FER: variants seen among roughly 807,000 people sequenced by gnomAD.
FER encodes the protein FER tyrosine kinase.
Under a neutral mutation model 111.0 loss-of-function variants are expected in FER, and 63 were observed. The ratio of observed to expected loss-of-function variants is 0.57; its 90% confidence interval spans 0.46 to 0.70. The LOEUF (loss-of-function observed/expected upper bound fraction) is 0.70. Among genes scored for constraint, FER ranks in the 30% least tolerant of loss-of-function variants. FER has a pLI of 0.00. For synonymous variants in FER, 327 were observed against 313.9 expected (o/e 1.04, Z -0.44); for missense variants, 914 against 954.0 (o/e 0.96, Z 0.55).
intron 13 of FER, among the ~76,000 whole-genome samples, chr5:109,015,504 G>A (rs1766958290): frequency 6.6e-6 from 1 of 151,824 alleles, no homozygotes; most frequent in African/African-American, 2.4e-5. Flanking sequence ...ACACTCTGGA[G>A]CTATACTGGT....
At chr5:108,944,107 GTACA>G (rs1756645458) in intron 10 of FER, among the ~76,000 whole-genome samples, 1 of 133,008 alleles carries the variant, frequency 7.5e-6, no homozygotes, top group African/African-American at 2.8e-5. Flanking sequence ...ATGTGTATGT[GTACA>G]CACACACACA....
At position 109,010,686 on chromosome 5, in the gene FER, T is replaced by G. The variant is rs551308360; in HGVS notation, c.1657-26736T>G. ...CGGTCCATGGCATTATCTGTAGTTATGCAAACTAGATTATTTTTGTACCTT... is the reference window on the plus strand; with the variant it reads ...CGGTCCATGGCATTATCTGTAGTTAGGCAAACTAGATTATTTTTGTACCTT... On this transcript the variant is annotated intron_variant, in intron 13 of 19. Coordinates refer to ENST00000281092, the MANE Select transcript of FER (RefSeq NM_005246.4). 5.6e-4 allele frequency among the ~76,000 whole-genome samples: 85 copies of G among 152,300 alleles called. 1 individual carries two copies. The South Asian group carries it at 0.014, about 26-fold the overall frequency.
intron 13 of FER, among the ~76,000 whole-genome samples, chr5:108,975,117 C>T (rs1419539345): frequency 2.0e-5 from 3 of 152,022 alleles, no homozygotes; most frequent in Non-Finnish European, 4.4e-5. Context: ...ATGGATGAAG[C>T]TGGAAACCAT....
intron 13 of FER, among the ~76,000 whole-genome samples, chr5:109,008,747 G>A (rs188968987): frequency 2.0e-4 from 31 of 152,242 alleles, no homozygotes; most frequent in Non-Finnish European, 3.1e-4. Context: ...TTGGGAGGCC[G>A]AGGCGGGCAG....
At chr5:108,874,520 G>A (rs1041901170) in intron 8 of FER, among the ~76,000 whole-genome samples, 1 of 151,928 alleles carries the variant, frequency 6.6e-6, no homozygotes, top group Admixed American at 6.6e-5. Flanking sequence ...GAGTTATTCA[G>A]CATCTCTGTT....
intron 17 of FER, among the ~76,000 whole-genome samples, chr5:109,144,861 A>G (rs1284735610): frequency 6.6e-6 from 1 of 152,120 alleles, no homozygotes; most frequent in Admixed American, 6.6e-5. Context: ...AATCAAGTAA[A>G]TTGGAGAACA....
chr5:108,934,496 T>C (rs1581268744), intron 10 of FER, among the ~76,000 whole-genome samples: 2 of 152,198 alleles, frequency 1.3e-5, no homozygotes, highest in Admixed American at 1.3e-4. Flanking sequence ...AAACGTATAT[T>C]GACCAACTTA....
intron 15 of FER, among the ~76,000 whole-genome samples, chr5:109,045,079 C>G (rs1299948637): frequency 6.6e-6 from 1 of 151,798 alleles, no homozygotes; most frequent in Non-Finnish European, 1.5e-5. Context: ...CAATACTGTG[C>G]TTATGATAAA....
chr5:109,036,487 A>G (rs1336069035), intron 13 of FER, among the ~76,000 whole-genome samples: 5 of 152,046 alleles, frequency 3.3e-5, no homozygotes, highest in African/African-American at 1.2e-4. Flanking sequence ...TACTTGTTAC[A>G]ACTCATAGAT....
chr5:108,781,789 A>ATAG (rs1754112027), intron 2 of FER, among the ~76,000 whole-genome samples: 1 of 152,156 alleles, frequency 6.6e-6, no homozygotes, highest in Admixed American at 6.5e-5. Context: ...TAAGTTAGTT[A>ATAG]GACTCTGATA....
intron 5 of FER, among the ~76,000 whole-genome samples, chr5:108,845,565 T>C (rs1761950343): frequency 6.6e-6 from 1 of 152,106 alleles, no homozygotes; most frequent in Non-Finnish European, 1.5e-5. Context: ...AGTTTTACTT[T>C]TACCTTTTCA....
chr5:108,925,547 G>A (rs777943018), intron 10 of FER, among the ~76,000 whole-genome samples: 4 of 151,992 alleles, frequency 2.6e-5, no homozygotes, highest in Non-Finnish European at 5.9e-5. Context: ...TTAATTGCCT[G>A]CATTCTCTTG....
intron 2 of FER, among the ~76,000 whole-genome samples, chr5:108,770,041 T>G (rs1289924913): frequency 1.3e-5 from 2 of 152,152 alleles, no homozygotes; most frequent in East Asian, 1.9e-4. Context: ...CTCCACCTCT[T>G]GAGTTCAAGC....
At chr5:109,170,624 G>T (rs988833240) in intron 17 of FER, among the ~76,000 whole-genome samples, 3 of 152,184 alleles carry the variant, frequency 2.0e-5, no homozygotes, top group Admixed American at 2.0e-4. Context: ...CACATAATAG[G>T]TGTCAATCAA....
chr5:108,822,357 T>C (rs1047828134), intron 3 of FER, among the ~76,000 whole-genome samples: 4 of 152,236 alleles, frequency 2.6e-5, no homozygotes, highest in Non-Finnish European at 4.4e-5. Context: ...TTCCTGATAT[T>C]GGGCATTTTA....
intron 16 of FER, among the ~76,000 whole-genome samples, chr5:109,097,112 T>A (rs187902117): frequency 3.5e-4 from 53 of 151,750 alleles, no homozygotes; most frequent in Admixed American, 7.9e-4. Flanking sequence ...TCTTGAGAAA[T>A]AAATGGTATT....
intron 5 of FER, chr5:108,842,756 G>A (rs542472598): frequency 1.3e-5 from 2 of 152,270 alleles, no homozygotes; most frequent in East Asian, 3.9e-4. Context: ...AACAGTAGAT[G>A]TTGGCGTGGA....
At chr5:109,165,614 GTGTGTGTGTGTGTGTGTGTGTGTGTA>G (rs1272573591) in intron 17 of FER, among the ~76,000 whole-genome samples, 3 of 145,362 alleles carry the variant, frequency 2.1e-5, no homozygotes, top group Non-Finnish European at 4.6e-5. Context: ...GTGTGTGTGT[GTGTGTGTGTGTGTGTGTGTGTGTGTA>G]TACACACATA....
intron 13 of FER, among the ~76,000 whole-genome samples, chr5:109,021,271 G>C (rs1240423078): frequency 1.3e-5 from 2 of 152,042 alleles, no homozygotes; most frequent in African/African-American, 2.4e-5. Context: ...ACCTTAATAA[G>C]AGTGAGAACA....
Sources: allele counts gnomAD v4.1 joint callset (sites outside exome capture counted in the v4.1 genomes callset), GRCh38; gene constraint gnomAD v4.1.1; transcripts MANE v1.5; gene names NCBI Gene and HGNC (gene_info 2026-07-23, HGNC 2026-07-21).